Variants in RFTN1 observed in about 807,000 individuals in gnomAD.
RFTN1 encodes raftlin, lipid raft linker 1.
A neutral mutation model predicts 46.5 loss-of-function variants in RFTN1; 26 were observed. That is an observed-to-expected ratio of 0.56 (90% CI 0.41 to 0.78). RFTN1 has a LOEUF of 0.78. Ranked by LOEUF, RFTN1 falls within the 30% of genes least tolerant of loss-of-function variation. The pLI is 0.00. For synonymous variants in RFTN1, 261 were observed against 284.2 expected, an observed-to-expected ratio of 0.92 and a Z score of 0.82; for missense variants, 693 against 718.7, an observed-to-expected ratio of 0.96 and a Z score of 0.41.
At chr3:16,492,273 T>C (rs917104103) in intron 2 of RFTN1, among the ~76,000 whole-genome samples, 18 of 152,034 alleles carry the variant, frequency 1.2e-4, no homozygotes, top group African/African-American at 2.2e-4. Flanking sequence ...CAAGAAGCAA[T>C]TGGAGCCTCC....
In RFTN1 at chr3:16,421,054, G is replaced by A. The variant is rs1302661049; in HGVS notation, c.333-11571C>T. ...GTCTCCAAATTTTTCTGATCACACAGCGTGCCAGAAAAAAATTCCTGAGTA... is the reference window on the plus strand; with the variant it reads ...GTCTCCAAATTTTTCTGATCACACAACGTGCCAGAAAAAAATTCCTGAGTA... On this transcript the variant is annotated intron_variant, in intron 3 of 9. Transcript: ENST00000334133. The surrounding 1 kb of genome is among the most constrained non-coding windows in gnomAD (Gnocchi z 4.6). Among the ~76,000 whole-genome samples the A allele has an allele frequency of 6.6e-6, 1 of 152,146 alleles. No individual in the cohort carries two copies. The highest frequency in any genetic ancestry group is 1.5e-5 in the Non-Finnish European group (1 of 68,028).
intron 4 of RFTN1, among the ~76,000 whole-genome samples, chr3:16,399,960 T>C (rs1302740193): frequency 6.6e-6 from 1 of 152,164 alleles, no homozygotes; most frequent in South Asian, 2.1e-4. Context: ...CGATCTCTTG[T>C]CTATGAAGAG....
At chr3:16,364,556 C>T (rs1395274809) in intron 6 of RFTN1, among the ~76,000 whole-genome samples, 3 of 152,020 alleles carry the variant, frequency 2.0e-5, no homozygotes, top group Non-Finnish European at 2.9e-5. Flanking sequence ...CTCTCTGCCT[C>T]GGTGGTTAGG....
rs183171395 is a variant in RFTN1, at chr3:16,502,015, C to A, written c.-8-8138G>T. ...TTTTGAAAAACTGGCAGTTCATAAA[C>A]CACCTGTTAGCAGAACTTTTTTCTG... On this transcript the variant is annotated intron_variant, in intron 1 of 9. Coordinates refer to ENST00000334133, the MANE Select transcript of RFTN1 (RefSeq NM_015150.2). 2.9e-3 allele frequency among the ~76,000 whole-genome samples: 448 copies of A among 152,278 alleles called. 6 individuals are homozygous for A. Among genetic ancestry groups the A allele is most frequent in the African/African-American group, 9.8e-3 (407 of 41,558 alleles).
Position 16,358,191 on chromosome 3 carries a change from C to T in RFTN1, c.1031-144G>A, listed in dbSNP as rs771731417. The stretch of plus-strand genomic sequence containing the variant: ...CAGCATGTTAATTAAAGAAGGCACA[C>T]ACAAGCCATAGAGTCTATCTAGCCC... On this transcript the variant is annotated intron_variant, in intron 6 of 9. Coordinates refer to ENST00000334133, the MANE Select transcript of RFTN1 (RefSeq NM_015150.2). 3 of 625,352 alleles carry T rather than the reference C, an allele frequency of 4.8e-6. No homozygotes were observed. The East Asian group carries it at 8.2e-5, about 17-fold the overall frequency. The allele number at this position is 625,352 out of a possible 1,614,324, so 38.7% of individuals were successfully genotyped here.
rs1208879655 is a variant in RFTN1 at position 16,498,848 on chromosome 3, A to G, written c.-8-4971T>C. On this transcript the variant is annotated intron_variant, in intron 1 of 9. Transcript: ENST00000334133. The surrounding 1 kb of genome is among the most constrained non-coding windows in gnomAD (Gnocchi z 5.2). ...GTCTATACCATGCTCAAAACAAGTC[A>G]GAAAAATCTAGCTTATAAAAAGTAG... 6.6e-6 allele frequency among the ~76,000 whole-genome samples: 1 copy of G among 152,208 alleles called. No individual in the cohort carries two copies. The highest frequency in any genetic ancestry group is 1.9e-4 in the East Asian group (1 of 5,200).
At chr3:16,393,089 A>AAACAATACAC (rs2074388208) in intron 4 of RFTN1, among the ~76,000 whole-genome samples, 1 of 152,198 alleles carries the variant, frequency 6.6e-6, no homozygotes, top group Admixed American at 6.5e-5. Flanking sequence ...AAATGACAAG[A>AAACAATACAC]AACAATACAC....
intron 6 of RFTN1, among the ~76,000 whole-genome samples, chr3:16,364,314 T>C (rs2073017452): frequency 6.6e-6 from 1 of 152,234 alleles, no homozygotes; most frequent in African/African-American, 2.4e-5. Flanking sequence ...CATTCCCTTT[T>C]AGTGGGTAGA....
chr3:16,498,953 A>C lies in RFTN1; in HGVS notation c.-8-5076T>G, dbSNP rs1185703384. On this transcript the variant is annotated intron_variant, in intron 1 of 9. Transcript: ENST00000334133. The surrounding 1 kb of genome is among the most constrained non-coding windows in gnomAD (Gnocchi z 5.2). ...ATTATTTACCATGTGACATTCCCAA[A>C]CCATGCTCACATTAGAATCCTGCAA... Among the ~76,000 whole-genome samples, 1 of 152,214 alleles carries C rather than the reference A, an allele frequency of 6.6e-6. No individual in the cohort carries two copies. Among genetic ancestry groups the C allele is most frequent in the Admixed American group, 6.5e-5 (1 of 15,274 alleles).
chr3:16,365,598 A>G (rs1292284443), intron 6 of RFTN1, among the ~76,000 whole-genome samples: 1 of 152,206 alleles, frequency 6.6e-6, no homozygotes, highest in Non-Finnish European at 1.5e-5. Flanking sequence ...GGCACCGGAG[A>G]AAGTCTCAAG....
rs2076508331 is a variant in RFTN1 at position 16,489,662 on chromosome 3, C to G, written c.145+4063G>C. Among the ~76,000 whole-genome samples the G allele has an allele frequency of 6.6e-6, 1 of 152,142 alleles. No individual in the cohort carries two copies. Among genetic ancestry groups the G allele is most frequent in the Non-Finnish European group, 1.5e-5 (1 of 68,020 alleles). On this transcript the variant is annotated intron_variant, in intron 2 of 9. Transcript: ENST00000334133. This position sits in a 1 kb window ranked among gnomAD's most constrained non-coding sequence, Gnocchi z 4.0. ...GTGGCTCATGCCTGTAAGCCCAGCA[C>G]TTTGGGAGGCCGAGGTGGGTGGACC...
Position 16,507,619 on chromosome 3 carries a change from C to CACACAT in RFTN1, c.-9+5822_-9+5823insATGTGT, listed in dbSNP as rs35258603. Among the ~76,000 whole-genome samples the CACACAT allele has an allele frequency of 0.38, 56,751 of 149,920 alleles. 10,969 individuals are homozygous for CACACAT. The highest frequency in any genetic ancestry group is 0.49 in the South Asian group (2,306 of 4,712). ...TTCAAAACACACACACACACACACA[C>CACACAT]ACATACACACACACATGCACACATC... On this transcript the variant is annotated intron_variant, in intron 1 of 9. Transcript: ENST00000334133. This position sits in a 1 kb window ranked among gnomAD's most constrained non-coding sequence, Gnocchi z 7.1.
chr3:16,511,280 A>C (rs11915576), intron 1 of RFTN1, among the ~76,000 whole-genome samples: 9,763 of 152,308 alleles, frequency 0.064, 568 homozygotes, highest in African/African-American at 0.14. Context: ...TATGTATATA[A>C]ATTTTATCTT....
In RFTN1 at chr3:16,426,890, A is replaced by G. The variant is rs2075299556; in HGVS notation, c.332+6961T>C. On this transcript the variant is annotated intron_variant, in intron 3 of 9. Transcript: ENST00000334133. This position sits in a 1 kb window ranked among gnomAD's most constrained non-coding sequence, Gnocchi z 5.9. ...ATGCAAAATCTATTGAGCAATATCTATTCAAGGCCTGGCACTCTGAGCAAG... is the reference window on the plus strand; with the variant it reads ...ATGCAAAATCTATTGAGCAATATCTGTTCAAGGCCTGGCACTCTGAGCAAG... Among the ~76,000 whole-genome samples the G allele has an allele frequency of 1.3e-5, 2 of 152,220 alleles. No homozygotes were observed. The highest frequency in any genetic ancestry group is 1.5e-5 in the Non-Finnish European group (1 of 68,032).
intron 6 of RFTN1, among the ~76,000 whole-genome samples, chr3:16,364,520 G>T (rs2073034066): frequency 6.6e-6 from 1 of 152,012 alleles, no homozygotes; most frequent in Non-Finnish European, 1.5e-5. Context: ...TGCAGAGCTG[G>T]TGTTTTCTGA....
rs1269008784 is a variant in RFTN1 at position 16,334,316 on chromosome 3, G to C, written c.1147-7440C>G. On this transcript the variant is annotated intron_variant, in intron 7 of 9. Coordinates refer to ENST00000334133, the MANE Select transcript of RFTN1 (RefSeq NM_015150.2). This position sits in a 1 kb window ranked among gnomAD's most constrained non-coding sequence, Gnocchi z 4.3. ...GCGTTCTTGTACATTGCTAGTGGAA[G>C]GGCTCATTGATTCAACCCTCCTGGA... Among the ~76,000 whole-genome samples, 1 of 152,212 alleles carries C rather than the reference G, an allele frequency of 6.6e-6. No individual in the cohort carries two copies. The highest frequency in any genetic ancestry group is 1.5e-5 in the Non-Finnish European group (1 of 68,036).
At chr3:16,379,188 G>A (rs1206695653) in intron 4 of RFTN1, among the ~76,000 whole-genome samples, 5 of 152,234 alleles carry the variant, frequency 3.3e-5, no homozygotes, top group African/African-American at 1.2e-4. Context: ...AGTTTTGCCA[G>A]CACAGAGGTA....
chr3:16,398,917 T>C lies in RFTN1; in HGVS notation c.441+10458A>G, dbSNP rs77859940. On this transcript the variant is annotated intron_variant, in intron 4 of 9. Coordinates refer to ENST00000334133, the MANE Select transcript of RFTN1 (RefSeq NM_015150.2). ...TGCACTAGCTCTAGAATAGTTTTAC[T>C]TCCTTGGATGTGGGGTAATTTCTCT... Among the ~76,000 whole-genome samples, 47 of 152,324 alleles carry C rather than the reference T, an allele frequency of 3.1e-4. 2 individuals are homozygous for C. The East Asian group carries it at 8.7e-3, about 28-fold the overall frequency.
Position 16,407,977 on chromosome 3 carries a change from G to A in RFTN1, c.441+1398C>T, listed in dbSNP as rs566827457. On this transcript the variant is annotated intron_variant, in intron 4 of 9. Coordinates refer to ENST00000334133, the MANE Select transcript of RFTN1 (RefSeq NM_015150.2). The surrounding 1 kb of genome is among the most constrained non-coding windows in gnomAD (Gnocchi z 4.0). Reference sequence around the variant, plus strand: ...GCCTGAACACTCAATACATGTTGAAGGGAGGGTGGCAGCAAGGAAACAAAT... The same window carrying A: ...GCCTGAACACTCAATACATGTTGAAAGGAGGGTGGCAGCAAGGAAACAAAT... Among the ~76,000 whole-genome samples, 1 of 152,256 alleles carries A rather than the reference G, an allele frequency of 6.6e-6. No individual in the cohort carries two copies. Among genetic ancestry groups the A allele is most frequent in the Non-Finnish European group, 1.5e-5 (1 of 68,022 alleles).
Sources: allele counts gnomAD v4.1 joint callset (sites outside exome capture counted in the v4.1 genomes callset), GRCh38; gene constraint gnomAD v4.1.1; non-coding constraint Gnocchi (gnomAD v3.1); transcripts MANE v1.5; gene names NCBI Gene and HGNC (gene_info 2026-07-23, HGNC 2026-07-21).